The following SLC4A1 variants were observed in gnomAD, a reference collection of about 807,000 sequenced individuals.
SLC4A1 encodes band 3 anion transport protein.
In SLC4A1, 29 loss-of-function variants were observed where a neutral mutation model predicts 93.1. That is an observed-to-expected ratio of 0.31 (90% CI 0.23 to 0.42). SLC4A1 has a LOEUF of 0.42. Ranked by LOEUF, SLC4A1 falls within the 20% of genes least tolerant of loss-of-function variation. SLC4A1 has a pLI of 1.00. For missense variants in SLC4A1, 965 were observed against 1,190.1 expected (o/e 0.81, Z 2.78); for synonymous variants, 469 against 497.2 (o/e 0.94, Z 0.76).
intron 1 of SLC4A1, among the ~76,000 whole-genome samples, chr17:44,265,992 A>AG (rs1014341671): frequency 3.9e-5 from 6 of 152,018 alleles, no homozygotes; most frequent in African/African-American, 1.2e-4. Flanking sequence ...AAAAAAAAAA[A>AG]AAAGAAAGAA....
Position 44,262,712 on chromosome 17 carries a change from G to A in SLC4A1, c.30C>T (p.Asp10=), listed in dbSNP as rs368164221. 47 of 1,614,010 alleles carry A rather than the reference G, an allele frequency of 2.9e-5. No individual in the cohort carries two copies. Among genetic ancestry groups the A allele is most frequent in the Non-Finnish European group, 3.6e-5 (43 of 1,179,980 alleles). ...CCTGCTCCAGATTCTCCTCCATCAT[G>A]TCTTCATAATCATCCTGTGGGAAGT... The part of the protein sequence containing the change: MEELQDDYE[D]MMEENLEQEE... Residue 10 remains aspartate (D), a synonymous_variant, in exon 3 of 20, where the codon GAC becomes GAT. Coordinates refer to ENST00000262418, the MANE Select transcript of SLC4A1 (RefSeq NM_000342.4).
In SLC4A1 at chr17:44,249,162, ACCT is replaced by A; in HGVS notation, c.*1293_*1295del. 1 of 454,050 alleles carries A rather than the reference ACCT, an allele frequency of 2.2e-6. No individual in the cohort carries two copies. Among genetic ancestry groups the A allele is most frequent in the Non-Finnish European group, 4.4e-6 (1 of 226,028 alleles). The allele number at this position is 454,050 out of a possible 1,614,324, so 28.1% of individuals were successfully genotyped here. On this transcript the variant is annotated 3_prime_UTR_variant, in exon 20 of 20. Transcript: ENST00000262418. ...CAAACGTGAGCCACTGCGCCCAGCC[ACCT>A]CCTCTCTTTTCTACCACTTCCTGAT... is the stretch of plus-strand genomic sequence containing the variant.
At chr17:44,257,022 T>C (rs1383683695) in intron 13 of SLC4A1, among the ~76,000 whole-genome samples, 2 of 151,680 alleles carry the variant, frequency 1.3e-5, no homozygotes, top group African/African-American at 2.4e-5. Flanking sequence ...GACGGATTCT[T>C]GCTCTGTTGC....
Position 44,262,724 on chromosome 17 carries a change from A to G in SLC4A1, c.18T>C (p.Asp6=). Residue 6 remains aspartate (D), a splice_region_variant and synonymous_variant, in exon 3 of 20, where the codon GAT becomes GAC. Transcript: ENST00000262418. ...TCTCCTCCATCATGTCTTCATAATC[A>G]TCCTGTGGGAAGTGGCCGCTGAGGC... The part of the protein sequence containing the change: MEELQ[D]DYEDMMEENL... 4 of 1,613,878 alleles carry G rather than the reference A, an allele frequency of 2.5e-6. No homozygotes were observed. Among genetic ancestry groups the G allele is most frequent in the Non-Finnish European group, 3.4e-6 (4 of 1,179,848 alleles).
At chr17:44,265,332 C>T (rs948229519) in intron 1 of SLC4A1, among the ~76,000 whole-genome samples, 2 of 152,154 alleles carry the variant, frequency 1.3e-5, no homozygotes, top group South Asian at 2.1e-4. Flanking sequence ...GTGGAGTCAC[C>T]GGAGGAGGGG....
chr17:44,254,010 C>G (rs1261471338), intron 16 of SLC4A1, among the ~76,000 whole-genome samples: 2 of 121,222 alleles, frequency 1.6e-5, no homozygotes, highest in African/African-American at 6.4e-5. Flanking sequence ...GTTTCACTCT[C>G]GTTGCCCAAG....
In SLC4A1 at chr17:44,249,156, C is replaced by G. The variant is rs533631187; in HGVS notation, c.*1302G>C. 1 of 454,756 alleles carries G rather than the reference C, an allele frequency of 2.2e-6. No individual in the cohort carries two copies. Among genetic ancestry groups the G allele is most frequent in the Admixed American group, 2.4e-5 (1 of 42,420 alleles). The allele number at this position is 454,756 out of a possible 1,614,324, so 28.2% of individuals were successfully genotyped here. A position where few individuals can be genotyped will look rare whatever the true frequency, so the allele number is the denominator to read the frequency against. On this transcript the variant is annotated 3_prime_UTR_variant, in exon 20 of 20. Coordinates refer to ENST00000262418, the MANE Select transcript of SLC4A1 (RefSeq NM_000342.4). ...GGATTACAAACGTGAGCCACTGCGC[C>G]CAGCCACCTCCTCTCTTTTCTACCA... is the stretch of plus-strand genomic sequence containing the variant.
Position 44,262,705 on chromosome 17 carries a change from C to G in SLC4A1, c.37G>C (p.Glu13Gln). 1 of 1,614,128 alleles carries G rather than the reference C, an allele frequency of 6.2e-7. No homozygotes were observed. Among genetic ancestry groups the G allele is most frequent in the South Asian group, 1.1e-5 (1 of 91,072 alleles). The change falls in exon 3 of 20, where the codon GAG becomes CAG. Residue 13 changes from glutamate to glutamine, a missense_variant. By Grantham distance (29) the Glu-to-Gln change is conservative. Transcript: ENST00000262418. ...TATTCCTCCTGCTCCAGATTCTCCT[C>G]CATCATGTCTTCATAATCATCCTGT... ...ELQDDYEDMM[E>Q]ENLEQEEYED...
chr17:44,263,014 C>T, intron 1 of SLC4A1, 80 bp from the exon 2 acceptor site: 2 of 1,157,310 alleles, frequency 1.7e-6, no homozygotes, highest in East Asian at 4.7e-5. Flanking sequence ...GGCCACATGT[C>T]AGTGGAGGGG....
intron 16 of SLC4A1, among the ~76,000 whole-genome samples, chr17:44,253,812 C>T (rs371426302): frequency 2.0e-5 from 3 of 151,534 alleles, no homozygotes; most frequent in African/African-American, 4.9e-5. Flanking sequence ...GCTGGGACTA[C>T]GGGCACATGC....
intron 4 of SLC4A1, 113 bp downstream of exon 4, chr17:44,261,462 C>T (rs2047443789): frequency 6.4e-7 from 1 of 1,554,734 alleles, no homozygotes; most frequent in Non-Finnish European, 8.8e-7. Flanking sequence ...CTATCTGCTG[C>T]AGGGTCTCCC....
At chr17:44,251,994 G>A (rs2047346869) in intron 17 of SLC4A1, among the ~76,000 whole-genome samples, 1 of 147,454 alleles carries the variant, frequency 6.8e-6, no homozygotes, top group South Asian at 2.1e-4. Flanking sequence ...CTCCTGCCTT[G>A]GCCTCCCAAA....
Position 44,268,062 on chromosome 17 carries a change from G to A in SLC4A1, c.-77C>T. The A allele has an allele frequency of 1.5e-5, 15 of 984,892 alleles. No homozygotes were observed. The highest frequency in any genetic ancestry group is 9.4e-5 in the South Asian group (2 of 21,260). 61.0% of individuals were successfully genotyped at this position (984,892 alleles called of 1,614,324 possible). On this transcript the variant is annotated 5_prime_UTR_variant, in exon 1 of 20. Coordinates refer to ENST00000262418, the MANE Select transcript of SLC4A1 (RefSeq NM_000342.4). ...CTCCCTGCCCTGCCCACCTGCTCAC[G>A]AGCCTCAGGGTCCCTTGGTGAAGTC...
chr17:44,254,732 C>A, intron 15 of SLC4A1, 70 bp from the exon 16 acceptor site: 1 of 1,505,476 alleles, frequency 6.6e-7, no homozygotes, highest in Non-Finnish European at 9.1e-7. Context: ...CAGGAGGAGC[C>A]AGGGTCCTAG....
chr17:44,257,658 C>T lies in SLC4A1; in HGVS notation c.1431+1G>A, dbSNP rs2047401561. On this transcript the variant is annotated splice_donor_variant, in intron 12 of 19. Transcript: ENST00000262418. LOFTEE classifies it high-confidence loss of function. ...GGTCAGTGGGGCAAGGACAGAACTA[C>T]CGAGAAGAAGGCTTCCTCAAACACC... 1.2e-6 allele frequency: 2 copies of T among 1,613,562 alleles called. No individual in the cohort carries two copies. Among genetic ancestry groups the T allele is most frequent in the African/African-American group, 1.3e-5 (1 of 74,900 alleles).
chr17:44,253,173 C>T lies in SLC4A1; in HGVS notation c.2256G>A (p.Gln752=). Residue 752 remains glutamine (Q), a synonymous_variant, in exon 17 of 20, where the codon CAG becomes CAA. Transcript: ENST00000262418. ...TCCGCTGCTCTTTGACCTCCTGGAT[C>T]TGGGCTGCAGCCCCTGGGGTGCTGG... is the stretch of plus-strand genomic sequence containing the variant. ...GKASTPGAAA[Q]IQEVKEQRIS... The T allele has an allele frequency of 6.2e-7, 1 of 1,613,814 alleles. No homozygotes were observed. Among genetic ancestry groups the T allele is most frequent in the Non-Finnish European group, 8.5e-7 (1 of 1,180,038 alleles).
chr17:44,253,133 C>G lies in SLC4A1; in HGVS notation c.2296G>C (p.Val766Leu). 1 of 1,612,476 alleles carries G rather than the reference C, an allele frequency of 6.2e-7. No homozygotes were observed. The highest frequency in any genetic ancestry group is 8.5e-7 in the Non-Finnish European group (1 of 1,180,022). Residue 766 changes from valine (V) to leucine (L), a missense_variant, in exon 17 of 20, where the codon GTC (valine) becomes CTC (leucine). Around this residue, in one of 2 missense-constraint regions of SLC4A1, gnomAD observed 770 missense variants for 1,006.6 expected, o/e 0.76. Transcript: ENST00000262418. ...VKEQRISGLL[V>L]AVLVGLSILM... ...TTTCACTCACCCACAAGCACAGCGA[C>G]CAGGAGTCCACTGATCCGCTGCTCT... is the stretch of plus-strand genomic sequence containing the variant.
rs751934800 is a variant in SLC4A1, at chr17:44,258,214, G to A, written c.1088-34C>T. The stretch of plus-strand genomic sequence containing the variant: ...GAGGATAAGAGCATGGTCAGAGGGA[G>A]TAGCTGGAGGAGGTGAGGGGAAAGG... On this transcript the variant is annotated intron_variant, in intron 10 of 19. Transcript: ENST00000262418. The surrounding 1 kb of genome is among the most constrained non-coding windows in gnomAD (Gnocchi z 6.1). 4.2e-5 allele frequency: 68 copies of A among 1,601,260 alleles called. 1 individual carries two copies. The South Asian group carries it at 6.2e-4, about 15-fold the overall frequency.
At chr17:44,259,747 G>T in intron 7 of SLC4A1, 62 bp downstream of exon 7, 1 of 1,611,936 alleles carries the variant, frequency 6.2e-7, no homozygotes, top group Non-Finnish European at 8.5e-7. Flanking sequence ...CCCTGCTGGC[G>T]TTTGAGAAAG....
Sources: allele counts gnomAD v4.1 joint callset (sites outside exome capture counted in the v4.1 genomes callset), GRCh38; gene constraint gnomAD v4.1.1; regional missense constraint gnomAD v4.1.1; non-coding constraint Gnocchi (gnomAD v3.1); transcripts MANE v1.5; gene names NCBI Gene and HGNC (gene_info 2026-07-23, HGNC 2026-07-21).